Variants in TIAM1 observed in about 807,000 individuals in gnomAD.
TIAM1 encodes the protein rho guanine nucleotide exchange factor TIAM1.
In TIAM1, 65 loss-of-function variants were observed where a neutral mutation model predicts 163.5. The observed-to-expected ratio is 0.40, with a 90% CI of 0.33 to 0.49. The LOEUF is 0.49. Ranked by LOEUF, TIAM1 falls within the 20% of genes least tolerant of loss-of-function variation. The pLI is 0.77. For synonymous variants in TIAM1, 833 were observed against 810.1 expected, an observed-to-expected ratio of 1.03 and a Z score of -0.48; for missense variants, 1,789 against 2,044.7, an observed-to-expected ratio of 0.87 and a Z score of 2.41.
intron 2 of TIAM1, among the ~76,000 whole-genome samples, chr21:31,323,080 G>A (rs1454970487): frequency 2.0e-5 from 3 of 151,484 alleles, no homozygotes; most frequent in Non-Finnish European, 4.4e-5. Context: ...ATGAGGTCAA[G>A]AGATCGAGAC....
At chr21:31,290,630 G>A (rs890626627) in intron 2 of TIAM1, among the ~76,000 whole-genome samples, 1 of 106,484 alleles carries the variant, frequency 9.4e-6, no homozygotes, top group South Asian at 3.1e-4. Flanking sequence ...CCCGGTAACA[G>A]AGCAAGACTC....
chr21:31,234,937 A>C (rs1283591441), intron 6 of TIAM1, among the ~76,000 whole-genome samples: 1 of 152,214 alleles, frequency 6.6e-6, no homozygotes, highest in Non-Finnish European at 1.5e-5. Context: ...AAAATAATTA[A>C]ACCAAGGGGA....
chr21:31,218,194 T>G (rs1459674798), intron 8 of TIAM1, among the ~76,000 whole-genome samples: 1 of 152,220 alleles, frequency 6.6e-6, no homozygotes, highest in Admixed American at 6.5e-5. Flanking sequence ...TTTCTTAGGA[T>G]ATATAAAATC....
At chr21:31,176,653 T>G (rs914504019) in intron 15 of TIAM1, among the ~76,000 whole-genome samples, 1 of 152,118 alleles carries the variant, frequency 6.6e-6, no homozygotes, top group African/African-American at 2.4e-5. Flanking sequence ...TAACAAATTT[T>G]CATTACAAAA....
chr21:31,204,273 T>C (rs914903618), intron 11 of TIAM1, among the ~76,000 whole-genome samples: 8 of 152,138 alleles, frequency 5.3e-5, no homozygotes, highest in African/African-American at 1.9e-4. Context: ...GGAATTTGCT[T>C]CCAAAACAAA....
At chr21:31,531,999 C>A (rs183596975) in intron 1 of TIAM1, among the ~76,000 whole-genome samples, 31 of 152,042 alleles carry the variant, frequency 2.0e-4, no homozygotes, top group African/African-American at 6.5e-4. Flanking sequence ...TGCCTGCAGT[C>A]CCAGCTACTT....
intron 1 of TIAM1, among the ~76,000 whole-genome samples, chr21:31,551,587 T>C (rs1388384448): frequency 2.0e-5 from 3 of 150,060 alleles, no homozygotes; most frequent in Non-Finnish European, 3.0e-5. Context: ...AGCAAAAAAT[T>C]AAAAAATTAG....
chr21:31,193,748 T>C (rs923111033), intron 13 of TIAM1, among the ~76,000 whole-genome samples: 2 of 152,160 alleles, frequency 1.3e-5, no homozygotes, highest in African/African-American at 4.8e-5. Context: ...AAAATCAAGC[T>C]GCACACACAG....
intron 1 of TIAM1, among the ~76,000 whole-genome samples, chr21:31,514,788 G>A (rs1049196603): frequency 6.6e-6 from 1 of 152,222 alleles, no homozygotes; most frequent in Non-Finnish European, 1.5e-5. Flanking sequence ...GGTCTGGAGT[G>A]TGGTCCCTGC....
At chr21:31,426,367 C>T (rs1431955920) in intron 2 of TIAM1, among the ~76,000 whole-genome samples, 1 of 152,098 alleles carries the variant, frequency 6.6e-6, no homozygotes, top group African/African-American at 2.4e-5. Context: ...TCTAAGCACA[C>T]GATGACAAGC....
intron 2 of TIAM1, among the ~76,000 whole-genome samples, chr21:31,304,057 C>T (rs571040701): frequency 5.3e-5 from 8 of 152,276 alleles, no homozygotes; most frequent in African/African-American, 1.9e-4. Context: ...GTTCTACTTT[C>T]AAAAGCAACG....
At chr21:31,438,558 T>G (rs1024084341) in intron 2 of TIAM1, among the ~76,000 whole-genome samples, 1 of 152,092 alleles carries the variant, frequency 6.6e-6, no homozygotes, top group Non-Finnish European at 1.5e-5. Context: ...CTGGAGAGAA[T>G]GAAAAGATCT....
At chr21:31,162,848 C>T (rs1236362368) in intron 16 of TIAM1, among the ~76,000 whole-genome samples, 1 of 152,060 alleles carries the variant, frequency 6.6e-6, no homozygotes, top group East Asian at 1.9e-4. Flanking sequence ...AATCTTTGAA[C>T]AGCACCATCT....
rs2086997108 is a variant in TIAM1 at position 31,213,482 on chromosome 21, C to T, written c.2143-10G>A. On this transcript the variant is annotated splice_polypyrimidine_tract_variant and intron_variant, in intron 9 of 27. Transcript: ENST00000541036. ...TTCCCTCTCCAAACACCTGCATATA[C>T]AAAAGTACCACCTTAAAAAGGAATC... is the stretch of plus-strand genomic sequence containing the variant. 2 of 1,613,292 alleles carry T rather than the reference C, an allele frequency of 1.2e-6. No individual in the cohort carries two copies. The highest frequency in any genetic ancestry group is 2.2e-5 in the South Asian group (2 of 91,010).
chr21:31,550,125 A>AAAG (rs1487941892), intron 1 of TIAM1, among the ~76,000 whole-genome samples: 1 of 152,096 alleles, frequency 6.6e-6, no homozygotes, highest in Non-Finnish European at 1.5e-5. Flanking sequence ...TTCCGTCTCA[A>AAAG]AAGAAAAAAA....
intron 1 of TIAM1, among the ~76,000 whole-genome samples, chr21:31,500,951 C>T (rs1214263932): frequency 1.3e-5 from 2 of 152,186 alleles, no homozygotes; most frequent in African/African-American, 4.8e-5. Flanking sequence ...AAACCAAATT[C>T]TTGACTTGCC....
At chr21:31,193,777 T>G (rs2085686808) in intron 13 of TIAM1, among the ~76,000 whole-genome samples, 1 of 152,180 alleles carries the variant, frequency 6.6e-6, no homozygotes, top group Non-Finnish European at 1.5e-5. Context: ...GCTGGAAGCT[T>G]ACACCGGTGA....
intron 14 of TIAM1, 105 bp from the exon 15 acceptor site, chr21:31,182,750 C>G: frequency 8.7e-7 from 1 of 1,154,666 alleles, no homozygotes; most frequent in Non-Finnish European, 1.2e-6. Flanking sequence ...TCTCACAGCC[C>G]CAGGTGCTGC....
chr21:31,505,367 G>A (rs1360695425), intron 1 of TIAM1, among the ~76,000 whole-genome samples: 3 of 151,982 alleles, frequency 2.0e-5, no homozygotes, highest in Non-Finnish European at 2.9e-5. Context: ...AGATATGAAA[G>A]GTCAAGGAAA....
Sources: allele counts gnomAD v4.1 joint callset (sites outside exome capture counted in the v4.1 genomes callset), GRCh38; gene constraint gnomAD v4.1.1; transcripts MANE v1.5; gene names NCBI Gene and HGNC (gene_info 2026-07-23, HGNC 2026-07-21).